ZFHX3: variants seen among roughly 807,000 people sequenced by gnomAD.
ZFHX3 encodes zinc finger homeobox 3.
Under a neutral mutation model 279.1 loss-of-function variants are expected in ZFHX3, and 42 were observed. That is an observed-to-expected ratio of 0.15 (90% confidence interval 0.12 to 0.19). The LOEUF (loss-of-function observed/expected upper bound fraction) is 0.19. Among genes scored for constraint, ZFHX3 ranks in the 10% least tolerant of loss-of-function variants. The pLI is 1.00. For missense variants in ZFHX3, 4,981 were observed against 4,754.0 expected (o/e 1.05, Z -1.40); for synonymous variants, 2,293 against 1,957.8 (o/e 1.17, Z -4.52).
chr16:72,998,540 C>A (rs1714518130), intron 1 of ZFHX3, among the ~76,000 whole-genome samples: 1 of 152,172 alleles, frequency 6.6e-6, no homozygotes, highest in African/African-American at 2.4e-5. Context: ...CCTTGTTTTC[C>A]TACTAAGCCT....
At chr16:73,490,699 G>A (rs760073199) in intron 2 of ZFHX3, among the ~76,000 whole-genome samples, 10 of 152,188 alleles carry the variant, frequency 6.6e-5, no homozygotes, top group East Asian at 3.9e-4. Context: ...TTAGCCAAGC[G>A]TGGTGGCACG....
chr16:73,407,664 GCTCC>G (rs2017388602), intron 3 of ZFHX3, among the ~76,000 whole-genome samples: 1 of 152,096 alleles, frequency 6.6e-6, no homozygotes, highest in Admixed American at 6.5e-5. Flanking sequence ...ACACACACTC[GCTCC>G]CTCCCTTCCT....
intron 4 of ZFHX3, among the ~76,000 whole-genome samples, chr16:72,830,339 A>G (rs2037032929): frequency 6.6e-6 from 1 of 152,232 alleles, no homozygotes; most frequent in East Asian, 1.9e-4. Flanking sequence ...CACAGTGCCT[A>G]TGCATGTGCC....
intron 1 of ZFHX3, among the ~76,000 whole-genome samples, chr16:73,000,015 A>C (rs1232419371): frequency 2.0e-5 from 3 of 152,182 alleles, no homozygotes; most frequent in African/African-American, 7.2e-5. Context: ...GTTTTGAAGG[A>C]AAGACTGGAA....
In ZFHX3 at chr16:73,868,358, C is replaced by A. The variant is rs150988472; in HGVS notation, c.-1608+23293G>T. Among the ~76,000 whole-genome samples the A allele has an allele frequency of 1.7e-3, 253 of 152,240 alleles. 7 individuals carry two copies. The East Asian group carries it at 0.043, about 26-fold the overall frequency. ...CCAACATGGCAAAACCCTGTCTCTA[C>A]CAAAAATACAAAAAAATTAGCCGGG... On this transcript the variant is annotated intron_variant, in intron 1 of 17. Coordinates refer to the ZFHX3 transcript ENST00000641206.
chr16:73,839,326 C>CAAAAAAAAAAAAAAAAAAAAAAAA lies in ZFHX3; in HGVS notation c.-1608+52301_-1608+52324dup, dbSNP rs777484716. ...GCAGCAACAGAGCAAGACTCCATCT[C>CAAAAAAAAAAAAAAAAAAAAAAAA]AAAAAAAAAAAAAAAAAAAAAAAAA... On this transcript the variant is annotated intron_variant, in intron 1 of 17. Transcript: ENST00000641206. 3.7e-4 allele frequency among the ~76,000 whole-genome samples: 11 copies of CAAAAAAAAAAAAAAAAAAAAAAAA among 30,050 alleles called. 2 individuals carry two copies. The highest frequency in any genetic ancestry group is 4.9e-4 in the African/African-American group (4 of 8,206). The allele number at this position is 30,050 out of a possible 152,430, so 19.7% of individuals were successfully genotyped here.
At chr16:73,358,182 C>T (rs1302037750) in intron 3 of ZFHX3, among the ~76,000 whole-genome samples, 2 of 152,220 alleles carry the variant, frequency 1.3e-5, no homozygotes, top group Non-Finnish European at 2.9e-5. Flanking sequence ...CGGAAATGGC[C>T]CCCAGCACCG....
chr16:72,989,542 G>C lies in ZFHX3; in HGVS notation c.-49-29348C>G, dbSNP rs533612616. Among the ~76,000 whole-genome samples the C allele has an allele frequency of 9.9e-5, 15 of 151,374 alleles. No individual in the cohort carries two copies. In the South Asian group the frequency reaches 3.1e-3, roughly 32 times the overall value. ...CCAGCCAATGCGAGAAGCAGGCTAA[G>C]AACACGCATACTAGGTAAGTGGACA... On this transcript the variant is annotated intron_variant, in intron 1 of 9. Transcript: ENST00000268489.
chr16:73,244,674 C>G (rs2013227334), intron 5 of ZFHX3, among the ~76,000 whole-genome samples: 1 of 152,178 alleles, frequency 6.6e-6, no homozygotes, highest in African/African-American at 2.4e-5. Flanking sequence ...GTGACTGGAA[C>G]CTGTGATATC....
chr16:73,439,909 C>CAGA (rs2018057457), intron 3 of ZFHX3, among the ~76,000 whole-genome samples: 1 of 75,426 alleles, frequency 1.3e-5, no homozygotes, highest in Non-Finnish European at 2.2e-5. Context: ...GGGAGAGGGA[C>CAGA]AAAAAAAAAA....
intron 2 of ZFHX3, among the ~76,000 whole-genome samples, chr16:73,557,734 C>T (rs1424997695): frequency 9.2e-5 from 14 of 152,020 alleles, no homozygotes; most frequent in Admixed American, 9.2e-4. Context: ...TCTTTAAGAC[C>T]TGTATTTTGT....
intron 4 of ZFHX3, among the ~76,000 whole-genome samples, chr16:72,883,219 A>G (rs1173746332): frequency 6.6e-6 from 1 of 152,176 alleles, no homozygotes; most frequent in African/African-American, 2.4e-5. Flanking sequence ...CTCTGTTCCA[A>G]CAGAAAAACA....
At chr16:73,040,955 T>C (rs1965089154) in intron 1 of ZFHX3, among the ~76,000 whole-genome samples, 1 of 152,184 alleles carries the variant, frequency 6.6e-6, no homozygotes, top group South Asian at 2.1e-4. Flanking sequence ...CACCAGAGGG[T>C]GTAACACTGA....
At chr16:73,323,425 A>G (rs566714161) in intron 3 of ZFHX3, among the ~76,000 whole-genome samples, 1 of 152,324 alleles carries the variant, frequency 6.6e-6, no homozygotes, top group South Asian at 2.1e-4. Context: ...GTGGATTTTC[A>G]AGAAGTGAGG....
At chr16:73,709,870 C>A (rs528636246) in intron 1 of ZFHX3, among the ~76,000 whole-genome samples, 1 of 152,232 alleles carries the variant, frequency 6.6e-6, no homozygotes, top group African/African-American at 2.4e-5. Context: ...TTTAAAACAA[C>A]AAGTTGTACA....
intron 3 of ZFHX3, among the ~76,000 whole-genome samples, chr16:72,905,588 C>T (rs918126353): frequency 2.0e-5 from 3 of 152,130 alleles, no homozygotes; most frequent in African/African-American, 7.2e-5. Context: ...GCAGATGCCT[C>T]CCAGGGGGAG....
At chr16:72,976,896 G>A (rs1448511182) in intron 1 of ZFHX3, among the ~76,000 whole-genome samples, 1 of 152,208 alleles carries the variant, frequency 6.6e-6, no homozygotes. Flanking sequence ...TGCCCCGGGA[G>A]TTCTAACCCC....
At chr16:73,408,442 G>C (rs557702122) in intron 3 of ZFHX3, among the ~76,000 whole-genome samples, 1 of 152,230 alleles carries the variant, frequency 6.6e-6, no homozygotes, top group East Asian at 1.9e-4. Context: ...AGCTGCTACT[G>C]GTTCCTCATT....
Position 73,732,517 on chromosome 16 carries a change from A to G in ZFHX3, c.-1607-52277T>C, listed in dbSNP as rs1404263060. ...TCATATGTTTTAGGATTTGTCCTGGATTTCTCTCTTACTAATGAAGTATTA... is the reference window on the plus strand; with the variant it reads ...TCATATGTTTTAGGATTTGTCCTGGGTTTCTCTCTTACTAATGAAGTATTA... On this transcript the variant is annotated intron_variant, in intron 1 of 17. Transcript: ENST00000641206. Among the ~76,000 whole-genome samples, 6 of 152,182 alleles carry G rather than the reference A, an allele frequency of 3.9e-5. No homozygotes were observed. In the East Asian group the frequency reaches 1.2e-3, roughly 29 times the overall value.
Sources: gnomAD v4.1 joint callset for allele counts (sites outside exome capture counted in the v4.1 genomes callset) on GRCh38, gnomAD v4.1.1 for gene constraint, MANE v1.5 for transcripts, NCBI Gene and HGNC (gene_info 2026-07-23, HGNC 2026-07-21) for gene names.